LYZL2: variants seen among roughly 807,000 people sequenced by gnomAD.
The protein encoded by LYZL2 is lysozyme-like protein 2.
Under a neutral mutation model 17.1 loss-of-function variants are expected in LYZL2, and 13 were observed. The observed-to-expected ratio is 0.76, with a 90% CI of 0.49 to 1.21. LYZL2 has a LOEUF of 1.21. Ranked by LOEUF, LYZL2 falls within the 50% of genes most tolerant of loss-of-function variation. The pLI is 0.00. For missense variants in LYZL2, 166 were observed against 189.2 expected (o/e 0.88, Z 0.72); for synonymous variants, 63 against 74.4 (o/e 0.85, Z 0.79).
intron 1 of LYZL2, among the ~76,000 whole-genome samples, chr10:30,628,466 G>A (rs1397324251): frequency 6.6e-6 from 1 of 152,130 alleles, no homozygotes; most frequent in East Asian, 1.9e-4. Flanking sequence ...GTCTGAAATG[G>A]GAGTAGGATC....
At chr10:30,626,348 C>A in intron 2 of LYZL2, 85 bp from the exon 3 acceptor site, 1 of 1,561,716 alleles carries the variant, frequency 6.4e-7, no homozygotes, top group East Asian at 2.3e-5. Flanking sequence ...TTCCTCATCC[C>A]TGTTACCTGA....
At chr10:30,611,602 A>AGAAG (rs1432980753), downstream of LYZL2, among the ~76,000 whole-genome samples, 1 of 125,656 alleles carries the variant, frequency 8.0e-6, no homozygotes, top group African/African-American at 3.3e-5. Context: ...AAAGAAAGAA[A>AGAAG]GAAAGAAAGA....
At chr10:30,620,261 C>T (rs367810627) in intron 3 of LYZL2, among the ~76,000 whole-genome samples, 46 of 152,336 alleles carry the variant, frequency 3.0e-4, no homozygotes, top group African/African-American at 1.1e-3. Flanking sequence ...TGTACAGCTA[C>T]TGAGTAAGTG....
chr10:30,611,566 GGAAGGAAAGAAA>G (rs1385689827), downstream of LYZL2, among the ~76,000 whole-genome samples: 1,003 of 63,008 alleles, frequency 0.016, 44 homozygotes, highest in East Asian at 0.19. Context: ...AAGGAAGGAA[GGAAGGAAAGAAA>G]GAAAGAAAGA....
intron 3 of LYZL2, among the ~76,000 whole-genome samples, chr10:30,624,268 G>A (rs1433615094): frequency 1.3e-5 from 2 of 152,158 alleles, no homozygotes; most frequent in African/African-American, 4.8e-5. Context: ...AATAAGAGTA[G>A]GCATCAGCAG....
chr10:30,609,818 A>G (rs898904009), downstream of LYZL2, among the ~76,000 whole-genome samples: 1 of 152,256 alleles, frequency 6.6e-6, no homozygotes, highest in East Asian at 1.9e-4. Flanking sequence ...TTCTGAAGGC[A>G]TTAATTATGG....
chr10:30,614,295 C>G (rs1294948616), intron 3 of LYZL2, among the ~76,000 whole-genome samples: 1 of 152,210 alleles, frequency 6.6e-6, no homozygotes, highest in African/African-American at 2.4e-5. Context: ...ACGGAGATGT[C>G]CATTTGTGAC....
At chr10:30,606,711 C>G in the LYZL2 span, among the ~76,000 whole-genome samples, 1 of 152,116 alleles carries the variant, frequency 6.6e-6, no homozygotes, top group African/African-American at 2.4e-5. Context: ...TTAACTCTGG[C>G]AGCTTCTCAA....
downstream of LYZL2, among the ~76,000 whole-genome samples, chr10:30,610,350 A>G (rs973102615): frequency 6.6e-6 from 1 of 152,186 alleles, no homozygotes; most frequent in African/African-American, 2.4e-5. Context: ...AATTGAAAAA[A>G]AATGTTGCAG....
At position 30,612,873 on chromosome 10, in the gene LYZL2, G is replaced by C; in HGVS notation, c.326C>G (p.Ala109Gly). Reference protein sequence around the residue: ...SALVTDDLTDAIICAKKIVKE... With the variant: ...SALVTDDLTDGIICAKKIVKE... ...AACAATTTTCTTGGCACAGATAATC[G>C]CATCTGTGAGGTCATCAGTGACCAA... The change falls in exon 4 of 5, where the codon GCG (alanine) becomes GGG (glycine). Residue 109 changes from alanine to glycine, a missense_variant. By Grantham distance (60) the Ala-to-Gly change is moderately conservative. Coordinates refer to ENST00000647634, the MANE Select transcript of LYZL2 (RefSeq NM_183058.3). 2 of 1,613,688 alleles carry C rather than the reference G, an allele frequency of 1.2e-6. No homozygotes were observed. Among genetic ancestry groups the C allele is most frequent in the African/African-American group, 1.3e-5 (1 of 75,004 alleles).
intron 1 of LYZL2, among the ~76,000 whole-genome samples, chr10:30,628,235 T>C (rs1175983134): frequency 6.6e-6 from 1 of 152,228 alleles, no homozygotes; most frequent in Non-Finnish European, 1.5e-5. Context: ...TTTTCTTTTC[T>C]TGATGCATTT....
chr10:30,625,549 A>G, intron 3 of LYZL2, among the ~76,000 whole-genome samples: 1 of 152,074 alleles, frequency 6.6e-6, no homozygotes, highest in East Asian at 1.9e-4. Context: ...CAAAAATAAA[A>G]ATAGCTGGGC....
chr10:30,612,062 C>A (rs756169514), intron 4 of LYZL2, 38 bp from the exon 5 acceptor site: 9 of 1,606,012 alleles, frequency 5.6e-6, no homozygotes, highest in Non-Finnish European at 7.7e-6. Flanking sequence ...CAGAAAGAAG[C>A]GTGACAATCC....
downstream of LYZL2, among the ~76,000 whole-genome samples, chr10:30,607,901 C>T (rs1838394232): frequency 6.6e-6 from 1 of 152,164 alleles, no homozygotes; most frequent in South Asian, 2.1e-4. Context: ...AGAGGAAATC[C>T]GATAACCTGG....
chr10:30,617,449 G>C (rs576003318), intron 3 of LYZL2, among the ~76,000 whole-genome samples: 2 of 152,190 alleles, frequency 1.3e-5, no homozygotes, highest in East Asian at 3.9e-4. Flanking sequence ...GCTGAGGCAG[G>C]CAGATCACTT....
chr10:30,612,982 C>T (rs1838468832), intron 3 of LYZL2, 82 bp from the exon 4 acceptor site: 2 of 1,107,758 alleles, frequency 1.8e-6, no homozygotes, highest in Admixed American at 3.8e-5. Context: ...TCATTTTTCT[C>T]AGTCTTTTTG....
At chr10:30,615,683 G>A (rs1564407281) in intron 3 of LYZL2, among the ~76,000 whole-genome samples, 1 of 152,068 alleles carries the variant, frequency 6.6e-6, no homozygotes, top group Non-Finnish European at 1.5e-5. Flanking sequence ...ATTTTGATTT[G>A]TCAGTTATAC....
chr10:30,623,888 A>G (rs896192936), intron 3 of LYZL2, among the ~76,000 whole-genome samples: 4 of 152,144 alleles, frequency 2.6e-5, no homozygotes, highest in Non-Finnish European at 4.4e-5. Flanking sequence ...GGTGCCAAAA[A>G]GGTTGGGGAC....
intron 3 of LYZL2, among the ~76,000 whole-genome samples, chr10:30,617,054 A>G (rs543208766): frequency 6.6e-6 from 1 of 152,296 alleles, no homozygotes; most frequent in African/African-American, 2.4e-5. Context: ...TGTGTTTGGA[A>G]GTGGTCTAGC....
Sources: allele counts gnomAD v4.1 joint callset (sites outside exome capture counted in the v4.1 genomes callset), GRCh38; gene constraint gnomAD v4.1.1; transcripts MANE v1.5; gene names NCBI Gene and HGNC (gene_info 2026-07-23, HGNC 2026-07-21).